The following PCAT7 variants were observed in gnomAD, a reference collection of about 807,000 sequenced individuals.
PCAT7 encodes the protein prostate cancer associated transcript 7, also known as prostate cancer associated transcript 7 (non-protein coding).
At chr9:94,564,776 T>C (rs961415854) in intron 2 of PCAT7, among the ~76,000 whole-genome samples, 1 of 152,146 alleles carries the variant, frequency 6.6e-6, no homozygotes, top group African/African-American at 2.4e-5. Flanking sequence ...AGTTTACTTA[T>C]ATAACAAACC....
intron 2 of PCAT7, among the ~76,000 whole-genome samples, chr9:94,563,029 G>A (rs1827132349): frequency 6.6e-6 from 1 of 152,214 alleles, no homozygotes; most frequent in Admixed American, 6.5e-5. Flanking sequence ...AGCTGGTGCT[G>A]AAGCTAAAAG....
chr9:94,569,268 A>G (rs1827238615), intron 2 of PCAT7: 1 of 152,314 alleles, frequency 6.6e-6, no homozygotes, highest in South Asian at 2.1e-4. Flanking sequence ...TGTCCAGGCC[A>G]GACCGGCCAT....
chr9:94,560,445 A>C (rs1364047046), intron 2 of PCAT7, among the ~76,000 whole-genome samples: 1 of 152,200 alleles, frequency 6.6e-6, no homozygotes, highest in East Asian at 1.9e-4. Context: ...ATCACCTTAG[A>C]TTCAGGGTGT....
rs1827141023 is a variant in PCAT7 at position 94,563,523 on chromosome 9, C to G, written n.441+4371C>G. Reference sequence around the variant, plus strand: ...CTTTCAGGATTAGCCAGCACCTGCTCGTGGTCACAAGTCCAGTTGGTGTGA... The same window carrying G: ...CTTTCAGGATTAGCCAGCACCTGCTGGTGGTCACAAGTCCAGTTGGTGTGA... On this transcript the variant is annotated intron_variant and non_coding_transcript_variant, in intron 2 of 8. Transcript: ENST00000647389. 33 of 1,575,154 alleles carry G rather than the reference C, an allele frequency of 2.1e-5. No individual in the cohort carries two copies. The South Asian group carries it at 3.8e-4, about 18-fold the overall frequency.
intron 2 of PCAT7, among the ~76,000 whole-genome samples, chr9:94,560,058 A>G (rs1010076586): frequency 6.6e-6 from 1 of 152,200 alleles, no homozygotes; most frequent in East Asian, 1.9e-4. Context: ...CCCGGAGTTC[A>G]AGGCTGCGGT....
At chr9:94,570,802 C>G (rs1827260411) in intron 2 of PCAT7, 1 of 152,206 alleles carries the variant, frequency 6.6e-6, no homozygotes, top group East Asian at 1.9e-4. Flanking sequence ...ACCCCTCTCT[C>G]CACACATGTG....
In PCAT7 at chr9:94,559,063, C is replaced by G. The variant is rs747427372; in HGVS notation, n.352C>G. 1.4e-5 allele frequency: 23 copies of G among 1,613,996 alleles called. No homozygotes were observed. The highest frequency in any genetic ancestry group is 1.9e-5 in the Non-Finnish European group (23 of 1,180,022). On this transcript the variant is annotated non_coding_transcript_exon_variant, in exon 2 of 9. Transcript: ENST00000647389. ...TTCACGTCCAGTACAGGCTGGGTCCCCGTGGTCGCCAAGCCTCCTGCCTGC... is the reference window on the plus strand; with the variant it reads ...TTCACGTCCAGTACAGGCTGGGTCCGCGTGGTCGCCAAGCCTCCTGCCTGC...
chr9:94,557,194 T>A (rs1827024554), intron 1 of PCAT7, among the ~76,000 whole-genome samples: 1 of 152,198 alleles, frequency 6.6e-6, no homozygotes, highest in East Asian at 1.9e-4. Context: ...TATTCCAGAT[T>A]CTTTTGTCTA....
At chr9:94,569,854 TCA>T (rs770492578) in intron 2 of PCAT7, 5 of 152,210 alleles carry the variant, frequency 3.3e-5, no homozygotes, top group Admixed American at 1.3e-4. Context: ...CCCACAGACC[TCA>T]CAGGCTCAGT....
At chr9:94,559,181 T>G (rs776475118) in intron 2 of PCAT7, 5 of 1,533,988 alleles carry the variant, frequency 3.3e-6, no homozygotes, top group Non-Finnish European at 4.5e-6. Context: ...TGGCCAAATG[T>G]CCCGAGCCAT....
intron 2 of PCAT7, among the ~76,000 whole-genome samples, chr9:94,572,392 C>G (rs550590338): frequency 3.3e-5 from 5 of 152,196 alleles, no homozygotes; most frequent in Admixed American, 2.0e-4. Flanking sequence ...CAAACTGGCC[C>G]AATGTGAGTC....
chr9:94,558,968 G>C (rs746420394), intron 1 of PCAT7: 9 of 1,613,998 alleles, frequency 5.6e-6, no homozygotes, highest in African/African-American at 2.7e-5. Flanking sequence ...TCTGCACACA[G>C]GTGAGATATT....
At chr9:94,556,232 G>A (rs1827010838) in intron 1 of PCAT7, among the ~76,000 whole-genome samples, 1 of 150,800 alleles carries the variant, frequency 6.6e-6, no homozygotes, top group African/African-American at 2.4e-5. Context: ...CTTATATGAA[G>A]GAGCAAAAGG....
At chr9:94,559,234 T>C in intron 2 of PCAT7, 1 of 979,802 alleles carries the variant, frequency 1.0e-6, no homozygotes, top group Non-Finnish European at 1.5e-6. Flanking sequence ...GGTGCTTCCA[T>C]CTGGCTAGCA....
chr9:94,557,474 TG>T (rs923726176), intron 1 of PCAT7, among the ~76,000 whole-genome samples: 5 of 152,206 alleles, frequency 3.3e-5, no homozygotes, highest in African/African-American at 4.8e-5. Context: ...ATTTTTTGGT[TG>T]TGTAATAAGA....
intron 2 of PCAT7, chr9:94,568,782 A>G (rs1827231465): frequency 6.6e-6 from 1 of 152,194 alleles, no homozygotes; most frequent in Admixed American, 6.5e-5. Flanking sequence ...CTTCTATATC[A>G]GTGACTTCAA....
intron 2 of PCAT7, among the ~76,000 whole-genome samples, chr9:94,560,050 C>T (rs1384032423): frequency 6.6e-6 from 1 of 152,148 alleles, no homozygotes; most frequent in African/African-American, 2.4e-5. Flanking sequence ...AACTGAGCCC[C>T]GGAGTTCAAG....
chr9:94,565,856 C>T (rs1425378024), intron 2 of PCAT7, among the ~76,000 whole-genome samples: 4 of 152,022 alleles, frequency 2.6e-5, no homozygotes, highest in Admixed American at 2.6e-4. Context: ...ATGCTCGTAA[C>T]TTGGGGGAGG....
chr9:94,556,834 A>T (rs1002997064), intron 1 of PCAT7, among the ~76,000 whole-genome samples: 1 of 152,118 alleles, frequency 6.6e-6, no homozygotes, highest in South Asian at 2.1e-4. Context: ...CTGCATTTAA[A>T]TCTTTATTTT....
Sources: gnomAD v4.1 joint callset for allele counts (sites outside exome capture counted in the v4.1 genomes callset) on GRCh38, gnomAD v4.1.1 for gene constraint, MANE v1.5 for transcripts, NCBI Gene and HGNC (gene_info 2026-07-23, HGNC 2026-07-21) for gene names.